Variants in NCKAP5 observed in about 807,000 individuals in gnomAD.
NCKAP5 encodes the protein NCK associated protein 5.
In NCKAP5, 92 loss-of-function variants were observed where a neutral mutation model predicts 167.0. That is an observed-to-expected ratio of 0.55 (90% CI 0.47 to 0.66). The LOEUF is 0.66. Ranked by LOEUF, NCKAP5 falls within the 30% of genes least tolerant of loss-of-function variation. NCKAP5 has a pLI of 0.00. For synonymous variants in NCKAP5, 891 were observed against 877.4 expected (o/e 1.02, Z -0.27); for missense variants, 2,378 against 2,315.0 (o/e 1.03, Z -0.56).
chr2:133,401,296 T>C (rs970668041), intron 3 of NCKAP5, among the ~76,000 whole-genome samples: 1 of 152,212 alleles, frequency 6.6e-6, no homozygotes, highest in Non-Finnish European at 1.5e-5. Context: ...CTTTTCCATT[T>C]GGCTGTTTCA....
chr2:132,678,282 A>T (rs1290435589), intron 19 of NCKAP5, among the ~76,000 whole-genome samples: 1 of 152,194 alleles, frequency 6.6e-6, no homozygotes, highest in Non-Finnish European at 1.5e-5. Flanking sequence ...TAGTGCAATC[A>T]ATTATTGTTC....
chr2:133,658,865 G>A, the NCKAP5 span, among the ~76,000 whole-genome samples: 9 of 151,752 alleles, frequency 5.9e-5, 1 homozygote, highest in South Asian at 4.2e-4. Context: ...CTTGCAACCC[G>A]AAATACTGAC....
At position 133,208,869 on chromosome 2, in the gene NCKAP5, G is replaced by A. The variant is rs527639321; in HGVS notation, c.207+4847C>T. ...TTTTCTATTTTCAGGACTAGTTTGCGTAACAGAACTTTCAACAGAAACGTA... is the reference window on the plus strand; with the variant it reads ...TTTTCTATTTTCAGGACTAGTTTGCATAACAGAACTTTCAACAGAAACGTA... On this transcript the variant is annotated intron_variant, in intron 5 of 19. Coordinates refer to ENST00000409261, the MANE Select transcript of NCKAP5 (RefSeq NM_207363.3). Among the ~76,000 whole-genome samples, 41 of 152,190 alleles carry A rather than the reference G, an allele frequency of 2.7e-4. No homozygotes were observed. In the South Asian group the frequency reaches 5.2e-3, roughly 19 times the overall value.
At position 132,860,517 on chromosome 2, in the gene NCKAP5, C is replaced by A. The variant is rs1248711412; in HGVS notation, c.782G>T (p.Arg261Ile). ...TLSILFQQRV[R>I]PTSDLLLQKL... is the part of the protein sequence containing the mutation. ...CTGGAGGAGCAGATCAGAAGTGGGT[C>A]TGACTCGCTGTTGGAATAGGATGCT... is the stretch of plus-strand genomic sequence containing the variant. Residue 261 changes from arginine (R) to isoleucine (I), a missense_variant, in exon 11 of 20, where the codon AGA becomes ATA. This residue lies in a region of NCKAP5 where 1,049 missense variants were observed against 1,023.4 expected (regional missense o/e 1.02). Coordinates refer to ENST00000409261, the MANE Select transcript of NCKAP5 (RefSeq NM_207363.3). 1 of 1,581,812 alleles carries A rather than the reference C, an allele frequency of 6.3e-7. No individual in the cohort carries two copies. Among genetic ancestry groups the A allele is most frequent in the South Asian group, 1.2e-5 (1 of 86,412 alleles).
the NCKAP5 span, among the ~76,000 whole-genome samples, chr2:133,646,609 T>G: frequency 6.6e-6 from 1 of 152,034 alleles, no homozygotes; most frequent in African/African-American, 2.4e-5. Flanking sequence ...CTTTTCAGGT[T>G]AAAACAAAAA....
intron 8 of NCKAP5, among the ~76,000 whole-genome samples, chr2:132,918,262 C>G (rs140580770): frequency 1.3e-5 from 2 of 152,120 alleles, no homozygotes; most frequent in African/African-American, 4.8e-5. Context: ...CAAGGAAAGG[C>G]TGGTTTTTTT....
chr2:133,123,817 T>C (rs1364250225), intron 6 of NCKAP5: 10 of 470,988 alleles, frequency 2.1e-5, no homozygotes, highest in Non-Finnish European at 4.0e-5. Flanking sequence ...GCAGAGAAAA[T>C]GTTCTTTTAA....
intron 11 of NCKAP5, among the ~76,000 whole-genome samples, chr2:132,801,600 T>C (rs999460593): frequency 2.0e-5 from 3 of 152,178 alleles, no homozygotes; most frequent in African/African-American, 7.2e-5. Flanking sequence ...AGCTAAGATG[T>C]ATCACAATTT....
At chr2:133,547,388 G>A (rs1686818871) in intron 2 of NCKAP5, among the ~76,000 whole-genome samples, 1 of 151,964 alleles carries the variant, frequency 6.6e-6, no homozygotes, top group African/African-American at 2.4e-5. Context: ...AGCTCAAGGA[G>A]GCCTGCCTGC....
intron 6 of NCKAP5, among the ~76,000 whole-genome samples, chr2:133,007,353 G>A (rs572117654): frequency 1.3e-5 from 2 of 152,178 alleles, no homozygotes; most frequent in African/African-American, 4.8e-5. Context: ...GATGTGAGAA[G>A]GGCAGAAAAT....
chr2:132,823,895 C>T (rs575436598), intron 11 of NCKAP5, among the ~76,000 whole-genome samples: 2 of 152,070 alleles, frequency 1.3e-5, no homozygotes, highest in African/African-American at 4.8e-5. Context: ...CAAAAGCAAG[C>T]TGACAAAACA....
At chr2:132,808,791 T>C (rs182684847) in intron 11 of NCKAP5, among the ~76,000 whole-genome samples, 2 of 152,274 alleles carry the variant, frequency 1.3e-5, no homozygotes, top group Admixed American at 1.3e-4. Context: ...ATCTTGGTTA[T>C]TTCCTTTCTA....
intron 3 of NCKAP5, among the ~76,000 whole-genome samples, chr2:133,333,024 C>T (rs1280515652): frequency 1.3e-5 from 2 of 152,246 alleles, no homozygotes; most frequent in African/African-American, 4.8e-5. Context: ...CAATGGGACT[C>T]CTTGCCAGCT....
At chr2:133,177,796 T>C (rs2084535352) in intron 5 of NCKAP5, among the ~76,000 whole-genome samples, 1 of 152,096 alleles carries the variant, frequency 6.6e-6, no homozygotes, top group Non-Finnish European at 1.5e-5. Context: ...ACAATGTAAG[T>C]GGAGACCACC....
intron 3 of NCKAP5, among the ~76,000 whole-genome samples, chr2:133,467,381 GC>G (rs1409219238): frequency 6.6e-6 from 1 of 152,166 alleles, no homozygotes; most frequent in Non-Finnish European, 1.5e-5. Context: ...TGGTGGATAA[GC>G]TTTTTGATGT....
the NCKAP5 span, among the ~76,000 whole-genome samples, chr2:133,610,410 G>A: frequency 6.6e-6 from 1 of 152,138 alleles, no homozygotes; most frequent in African/African-American, 2.4e-5. Flanking sequence ...AGCTTGGGGA[G>A]ACAATTTCTC....
intron 3 of NCKAP5, among the ~76,000 whole-genome samples, chr2:133,491,735 G>A (rs1344205765): frequency 6.6e-6 from 1 of 152,118 alleles, no homozygotes; most frequent in Non-Finnish European, 1.5e-5. Context: ...ATAGTTGAAG[G>A]GCCATAAGAT....
intron 6 of NCKAP5, among the ~76,000 whole-genome samples, chr2:133,012,448 C>G (rs2078193347): frequency 6.6e-6 from 1 of 152,158 alleles, no homozygotes; most frequent in Admixed American, 6.5e-5. Flanking sequence ...GGGGGTTTCA[C>G]CGTGTTAGCC....
At chr2:133,160,290 A>G (rs961614578) in intron 5 of NCKAP5, among the ~76,000 whole-genome samples, 3 of 152,042 alleles carry the variant, frequency 2.0e-5, no homozygotes, top group Non-Finnish European at 4.4e-5. Flanking sequence ...CATGACTCCA[A>G]TCTTCACAGG....
Sources: gnomAD v4.1 joint callset for allele counts (sites outside exome capture counted in the v4.1 genomes callset) on GRCh38, gnomAD v4.1.1 for gene constraint, gnomAD v4.1.1 regional missense constraint, MANE v1.5 for transcripts, NCBI Gene and HGNC (gene_info 2026-07-23, HGNC 2026-07-21) for gene names.